ARHGAP6: variants seen among roughly 807,000 people sequenced by gnomAD.
ARHGAP6 encodes rho GTPase-activating protein 6.
In ARHGAP6, 16 loss-of-function variants were observed where a neutral mutation model predicts 55.7. The observed-to-expected ratio is 0.29, with a 90% CI of 0.19 to 0.44. The LOEUF is 0.44. Among genes scored for constraint, ARHGAP6 ranks in the 20% least tolerant of loss-of-function variants. ARHGAP6 has a pLI of 1.00. For missense variants in ARHGAP6, 698 were observed against 808.9 expected, an observed-to-expected ratio of 0.86 and a Z score of 1.66; for synonymous variants, 382 against 360.9, an observed-to-expected ratio of 1.06 and a Z score of -0.66.
chrX:11,617,708 G>A (rs1166924828), intron 1 of ARHGAP6, among the ~76,000 whole-genome samples: 1 of 111,481 alleles, frequency 9.0e-6, no homozygotes, highest in African/African-American at 3.3e-5. Context: ...AGGAGAAGGG[G>A]AGATACATTG....
At chrX:11,308,819 A>G (rs981329129) in intron 1 of ARHGAP6, among the ~76,000 whole-genome samples, 5 of 112,376 alleles carry the variant, frequency 4.4e-5, no homozygotes, top group Non-Finnish European at 9.4e-5. Flanking sequence ...AATTCCATTG[A>G]TTTTCAAATA....
intron 2 of ARHGAP6, among the ~76,000 whole-genome samples, chrX:11,241,161 C>G (rs746181773): frequency 9.1e-6 from 1 of 109,308 alleles, no homozygotes; most frequent in African/African-American, 3.3e-5. Flanking sequence ...AGAGAGAAGA[C>G]TGCTTCCAGT....
At chrX:11,230,466 G>A (rs1308855436) in intron 2 of ARHGAP6, among the ~76,000 whole-genome samples, 2 of 111,469 alleles carry the variant, frequency 1.8e-5, no homozygotes, top group Non-Finnish European at 3.8e-5. Context: ...AAAGTGCTGG[G>A]ATTACAGGCA....
intron 1 of ARHGAP6, among the ~76,000 whole-genome samples, chrX:11,417,735 C>T (rs973670069): frequency 9.0e-6 from 1 of 111,709 alleles, no homozygotes; most frequent in African/African-American, 3.3e-5. Flanking sequence ...TGTCAACAAT[C>T]ACCCACTGCA....
intron 1 of ARHGAP6, among the ~76,000 whole-genome samples, chrX:11,558,700 GTGGTGGACGC>G (rs2147092786): frequency 9.3e-6 from 1 of 107,493 alleles, no homozygotes; most frequent in South Asian, 4.2e-4. Context: ...GCTGGGAGTA[GTGGTGGACGC>G]TTGTAATCTC....
intron 1 of ARHGAP6, among the ~76,000 whole-genome samples, chrX:11,322,604 C>A (rs1023756659): frequency 8.9e-6 from 1 of 111,966 alleles, no homozygotes; most frequent in Non-Finnish European, 1.9e-5. Flanking sequence ...AGGTGATCCA[C>A]CTGCCTTGGC....
At chrX:11,648,802 G>A (rs940984317) in intron 1 of ARHGAP6, among the ~76,000 whole-genome samples, 6 of 111,794 alleles carry the variant, frequency 5.4e-5, no homozygotes, top group Non-Finnish European at 9.4e-5. Context: ...GTGGGTGACT[G>A]ATTCTAAATG....
chrX:11,478,121 T>C (rs1456365335), intron 1 of ARHGAP6, among the ~76,000 whole-genome samples: 1 of 112,004 alleles, frequency 8.9e-6, no homozygotes, highest in East Asian at 2.8e-4. Flanking sequence ...TGTACATTGA[T>C]GGAAAACTTC....
rs962807580 is a variant in ARHGAP6, at chrX:11,433,657, A to G, written c.589-178950T>C. ...CAGTTGCACAGTGTTTCAGTTGTCT[A>G]AAGCCTGCAGAATTCCCATGACAAC... On this transcript the variant is annotated intron_variant, in intron 1 of 12. Coordinates refer to ENST00000337414, the MANE Select transcript of ARHGAP6 (RefSeq NM_013427.3). Among the ~76,000 whole-genome samples, 3 of 112,259 alleles carry G rather than the reference A, an allele frequency of 2.7e-5. No individual in the cohort carries two copies. In the Admixed American group the frequency reaches 2.8e-4, roughly 11 times the overall value.
At chrX:11,656,463 G>T (rs1012492812) in intron 1 of ARHGAP6, among the ~76,000 whole-genome samples, 1 of 112,208 alleles carries the variant, frequency 8.9e-6, no homozygotes, top group Non-Finnish European at 1.9e-5. Flanking sequence ...GTCTCACTGA[G>T]CTAGGATCAA....
chrX:11,259,202 T>C (rs1353736739), intron 1 of ARHGAP6, among the ~76,000 whole-genome samples: 1 of 111,770 alleles, frequency 8.9e-6, no homozygotes, highest in African/African-American at 3.3e-5. Flanking sequence ...TCAATTGCTT[T>C]GATTTTTAGA....
chrX:11,528,499 G>T (rs978130299), intron 1 of ARHGAP6, among the ~76,000 whole-genome samples: 1 of 111,861 alleles, frequency 8.9e-6, no homozygotes, highest in Non-Finnish European at 1.9e-5. Flanking sequence ...TACCAAAAGG[G>T]TTGCCTAGCA....
At chrX:11,563,168 T>A (rs1392275707) in intron 1 of ARHGAP6, among the ~76,000 whole-genome samples, 3 of 112,033 alleles carry the variant, frequency 2.7e-5, no homozygotes, top group African/African-American at 6.5e-5. Flanking sequence ...ATGAAAAATA[T>A]GTTTTTATTA....
chrX:11,263,538 T>A (rs971777796), intron 1 of ARHGAP6, among the ~76,000 whole-genome samples: 4 of 111,601 alleles, frequency 3.6e-5, no homozygotes, highest in Non-Finnish European at 7.5e-5. Flanking sequence ...TACAAGGTGA[T>A]AAGAGATAGA....
chrX:11,233,020 G>C, intron 2 of ARHGAP6, among the ~76,000 whole-genome samples: 1 of 112,524 alleles, frequency 8.9e-6, no homozygotes. Flanking sequence ...ATTTGAAAGA[G>C]TAAATGGTGA....
At chrX:11,502,403 T>G (rs1396822459) in intron 1 of ARHGAP6, among the ~76,000 whole-genome samples, 1 of 112,630 alleles carries the variant, frequency 8.9e-6, no homozygotes, top group Non-Finnish European at 1.9e-5. Flanking sequence ...TATTTCTTGA[T>G]CTGATGATAG....
At chrX:11,264,190 A>AT (rs2047595512) in intron 1 of ARHGAP6, among the ~76,000 whole-genome samples, 1 of 110,550 alleles carries the variant, frequency 9.0e-6, no homozygotes, top group Non-Finnish European at 1.9e-5. Context: ...CTCTCCTAAG[A>AT]TTTTGTCTCT....
chrX:11,466,671 AT>A (rs2050296415), intron 1 of ARHGAP6, among the ~76,000 whole-genome samples: 1 of 110,748 alleles, frequency 9.0e-6, no homozygotes, highest in Non-Finnish European at 1.9e-5. Flanking sequence ...CACCAGGCTA[AT>A]TTTTTGTTTC....
At chrX:11,469,566 A>C (rs958588483) in intron 1 of ARHGAP6, among the ~76,000 whole-genome samples, 3 of 111,427 alleles carry the variant, frequency 2.7e-5, no homozygotes, top group African/African-American at 9.8e-5. Flanking sequence ...ATCCACTAAA[A>C]TACAGCCCAA....
Sources: allele counts gnomAD v4.1 joint callset (sites outside exome capture counted in the v4.1 genomes callset), GRCh38; gene constraint gnomAD v4.1.1; transcripts MANE v1.5; gene names NCBI Gene and HGNC (gene_info 2026-07-23, HGNC 2026-07-21).